Variants in PDE11A observed in about 807,000 individuals in gnomAD.
The protein encoded by PDE11A is phosphodiesterase 11A.
A neutral mutation model predicts 100.5 loss-of-function variants in PDE11A; 100 were observed. The ratio of observed to expected loss-of-function variants is 1.00; its 90% confidence interval spans 0.85 to 1.18. PDE11A has a LOEUF of 1.18. Among genes scored for constraint, PDE11A ranks in the 50% most tolerant of loss-of-function variants. PDE11A has a pLI of 0.00. For missense variants in PDE11A, 1,141 were observed against 1,152.6 expected, an observed-to-expected ratio of 0.99 and a Z score of 0.15; for synonymous variants, 381 against 420.8, an observed-to-expected ratio of 0.91 and a Z score of 1.16.
chr2:177,682,821 G>A (rs992050704), intron 15 of PDE11A, among the ~76,000 whole-genome samples: 1 of 152,154 alleles, frequency 6.6e-6, no homozygotes, highest in Non-Finnish European at 1.5e-5. Flanking sequence ...TGAGAAATAT[G>A]GACGTAGAAA....
intron 12 of PDE11A, among the ~76,000 whole-genome samples, chr2:177,720,822 G>A (rs2081515424): frequency 6.6e-6 from 1 of 152,116 alleles, no homozygotes; most frequent in Non-Finnish European, 1.5e-5. Context: ...CTCAGAGTTG[G>A]AAAAACCTTA....
At chr2:178,006,826 G>T (rs947073530) in intron 2 of PDE11A, among the ~76,000 whole-genome samples, 9 of 1,964 alleles carry the variant, frequency 4.6e-3, no homozygotes, top group African/African-American at 5.6e-3. Context: ...CAAAACAAGG[G>T]GGGGGGGGGA....
intron 2 of PDE11A, among the ~76,000 whole-genome samples, chr2:177,970,673 TAA>T (rs1348474580): frequency 6.6e-6 from 1 of 152,082 alleles, no homozygotes; most frequent in African/African-American, 2.4e-5. Flanking sequence ...AGGTTTAGCA[TAA>T]AAGTGTTAGT....
intron 4 of PDE11A, among the ~76,000 whole-genome samples, chr2:177,891,893 A>G (rs1433455284): frequency 6.6e-6 from 1 of 152,212 alleles, no homozygotes; most frequent in Non-Finnish European, 1.5e-5. Context: ...AAAATTGCCA[A>G]TTTCTGATCT....
intron 1 of PDE11A, among the ~76,000 whole-genome samples, chr2:178,106,138 T>C (rs1000934081): frequency 6.6e-6 from 1 of 152,230 alleles, no homozygotes; most frequent in Non-Finnish European, 1.5e-5. Flanking sequence ...TTGTTTAACA[T>C]ACTGTGGTTA....
chr2:177,645,418 A>T (rs1029136918), intron 19 of PDE11A, among the ~76,000 whole-genome samples: 8 of 152,172 alleles, frequency 5.3e-5, no homozygotes, highest in African/African-American at 1.7e-4. Flanking sequence ...GCTGGCCATG[A>T]ACTCCTGACC....
intron 4 of PDE11A, among the ~76,000 whole-genome samples, chr2:177,891,998 T>G (rs564627298): frequency 2.4e-4 from 36 of 152,308 alleles, no homozygotes; most frequent in Non-Finnish European, 4.4e-4. Flanking sequence ...CTTTCTCTGG[T>G]AGAGATACAA....
At chr2:178,016,186 T>C (rs1244721372) in intron 1 of PDE11A, among the ~76,000 whole-genome samples, 1 of 138,124 alleles carries the variant, frequency 7.2e-6, no homozygotes, top group East Asian at 2.3e-4. Flanking sequence ...TTTCACCATA[T>C]TGGCCAAGGT....
chr2:177,692,068 T>C, intron 15 of PDE11A, among the ~76,000 whole-genome samples: 1 of 152,194 alleles, frequency 6.6e-6, no homozygotes, highest in East Asian at 1.9e-4. Context: ...TCTACTTATA[T>C]TAATTTTGCC....
chr2:177,893,878 A>C (rs1362437149), intron 4 of PDE11A, among the ~76,000 whole-genome samples: 2 of 152,190 alleles, frequency 1.3e-5, no homozygotes, highest in Non-Finnish European at 2.9e-5. Flanking sequence ...TTATTATAAA[A>C]ATATACCTAT....
At position 178,107,798 on chromosome 2, in the gene PDE11A, T is replaced by C. The variant is rs543862908; in HGVS notation, c.-14+456A>G. ...GTGCCGTGGTGTGATCTCGGCTCAC[T>C]GCAACCTCCGCTTCCCGGGTTCAAG... On this transcript the variant is annotated intron_variant, in intron 1 of 20. Coordinates refer to the PDE11A transcript ENST00000358450. 3.9e-4 allele frequency among the ~76,000 whole-genome samples: 58 copies of C among 148,634 alleles called. 1 individual carries two copies. In the South Asian group the frequency reaches 0.013, roughly 32 times the overall value.
chr2:177,955,151 C>T (rs781007675), intron 2 of PDE11A, among the ~76,000 whole-genome samples: 1 of 151,992 alleles, frequency 6.6e-6, no homozygotes, highest in Non-Finnish European at 1.5e-5. Context: ...AGATTTTTCC[C>T]GGGTAGGAAT....
At chr2:177,810,656 AG>A (rs2082936876) in intron 9 of PDE11A, among the ~76,000 whole-genome samples, 1 of 123,690 alleles carries the variant, frequency 8.1e-6, no homozygotes, top group Non-Finnish European at 1.6e-5. Context: ...GAGAAATGAG[AG>A]CCAGGGGTAG....
At chr2:177,950,659 C>A (rs1227148340) in intron 2 of PDE11A, among the ~76,000 whole-genome samples, 1 of 152,190 alleles carries the variant, frequency 6.6e-6, no homozygotes, top group African/African-American at 2.4e-5. Flanking sequence ...CGCCTGTAAT[C>A]CCAGCACTTT....
chr2:177,848,132 G>GT (rs932543523), intron 5 of PDE11A, among the ~76,000 whole-genome samples: 11 of 151,464 alleles, frequency 7.3e-5, no homozygotes, highest in South Asian at 4.2e-4. Flanking sequence ...TGTTTCTAAA[G>GT]TTTTTTTTTA....
chr2:178,106,022 T>G (rs994192414), intron 1 of PDE11A, among the ~76,000 whole-genome samples: 4 of 152,208 alleles, frequency 2.6e-5, no homozygotes, highest in African/African-American at 9.6e-5. Flanking sequence ...CCAAATTCTT[T>G]GAGAGTAGAG....
At chr2:178,107,332 T>C (rs1017278201) in intron 1 of PDE11A, among the ~76,000 whole-genome samples, 3 of 151,412 alleles carry the variant, frequency 2.0e-5, no homozygotes, top group Non-Finnish European at 2.9e-5. Flanking sequence ...AGAATTCATT[T>C]TGTCCTATAA....
rs76063890 is a variant in PDE11A, at chr2:177,979,091, A to G, written c.1071+35211T>C. 7.2e-4 allele frequency among the ~76,000 whole-genome samples: 103 copies of G among 142,920 alleles called. 3 individuals are homozygous for G. Among genetic ancestry groups the G allele is most frequent in the South Asian group, 4.7e-4 (2 of 4,260 alleles). The allele number at this position is 142,920 out of a possible 152,430, so 93.8% of individuals were successfully genotyped here. The stretch of plus-strand genomic sequence containing the variant: ...TTAGAGTATAATAAAAAAAAAAAAA[A>G]AAAGAAAGAAAATGGCTTACATGAA... On this transcript the variant is annotated intron_variant, in intron 2 of 19. Coordinates refer to ENST00000286063, the MANE Select transcript of PDE11A (RefSeq NM_016953.4).
chr2:177,965,586 A>G (rs1298812819), intron 2 of PDE11A, among the ~76,000 whole-genome samples: 2 of 152,182 alleles, frequency 1.3e-5, no homozygotes, highest in Non-Finnish European at 2.9e-5. Flanking sequence ...ATGGTTAGCC[A>G]GTTATCCCAG....
Sources: allele counts gnomAD v4.1 joint callset (sites outside exome capture counted in the v4.1 genomes callset), GRCh38; gene constraint gnomAD v4.1.1; transcripts MANE v1.5; gene names NCBI Gene and HGNC (gene_info 2026-07-23, HGNC 2026-07-21).